The following STK31 variants were observed in gnomAD, a reference collection of about 807,000 sequenced individuals.
STK31 encodes the protein serine/threonine-protein kinase 31.
In STK31, 89 loss-of-function variants were observed where a neutral mutation model predicts 129.7. The observed-to-expected ratio is 0.69, with a 90% CI of 0.58 to 0.82. STK31 has a LOEUF of 0.82. Among genes scored for constraint, STK31 ranks in the 40% least tolerant of loss-of-function variants. The pLI is 0.00. For synonymous variants in STK31, 448 were observed against 395.3 expected (o/e 1.13, Z -1.58); for missense variants, 1,187 against 1,176.4 (o/e 1.01, Z -0.13).
chr7:23,817,000 A>C lies in STK31; in HGVS notation c.2829+1788A>C, dbSNP rs113841006. ...CAGAAGTTCAGGACCAGCCTGCCCA[A>C]CATGGTGAAACCCTGTCTGTACTAA... is the stretch of plus-strand genomic sequence containing the variant. On this transcript the variant is annotated intron_variant, in intron 23 of 23. Coordinates refer to ENST00000355870, the MANE Select transcript of STK31 (RefSeq NM_031414.5). Among the ~76,000 whole-genome samples, 316 of 152,248 alleles carry C rather than the reference A, an allele frequency of 2.1e-3. 3 individuals carry two copies. The highest frequency in any genetic ancestry group is 7.2e-3 in the African/African-American group (301 of 41,538).
intron 22 of STK31, chr7:23,811,697 T>C (rs1168112569): frequency 1.3e-5 from 2 of 154,448 alleles, no homozygotes; most frequent in African/African-American, 4.8e-5. Flanking sequence ...GCAAGTATGG[T>C]GCAGTTGGAA....
chr7:23,785,215 G>A (rs1221925897), intron 17 of STK31, among the ~76,000 whole-genome samples: 1 of 152,116 alleles, frequency 6.6e-6, no homozygotes, highest in Admixed American at 6.5e-5. Flanking sequence ...TAGGATGCAT[G>A]TCTGGTTGAT....
chr7:23,812,563 G>C (rs1272698744), intron 22 of STK31, among the ~76,000 whole-genome samples: 1 of 151,374 alleles, frequency 6.6e-6, no homozygotes, highest in African/African-American at 2.4e-5. Flanking sequence ...GTGCAGTTTT[G>C]TTACACAGGT....
chr7:23,749,540 A>G lies in STK31; in HGVS notation c.1018-3177A>G, dbSNP rs1788568282. ...GCTTTTTTTTTTTTTTTGGGGGTAG[A>G]GACCATTTTGTCTTGTTGCCCAGGC... On this transcript the variant is annotated intron_variant, in intron 8 of 23. Coordinates refer to ENST00000355870, the MANE Select transcript of STK31 (RefSeq NM_031414.5). Among the ~76,000 whole-genome samples the G allele has an allele frequency of 2.7e-5, 4 of 146,558 alleles. No individual in the cohort carries two copies. The South Asian group carries it at 8.7e-4, about 32-fold the overall frequency.
intron 23 of STK31, among the ~76,000 whole-genome samples, chr7:23,822,769 C>A (rs1035004309): frequency 1.1e-4 from 17 of 152,108 alleles, no homozygotes; most frequent in Non-Finnish European, 1.8e-4. Flanking sequence ...ACAACAGTCC[C>A]CGGTATGTGA....
intron 11 of STK31, 125 bp downstream of exon 11, chr7:23,763,048 A>T (rs1789567454): frequency 1.2e-6 from 1 of 805,562 alleles, no homozygotes; most frequent in Non-Finnish European, 1.8e-6. Flanking sequence ...TGTTTCCTGA[A>T]TTCTGATTTC....
intron 9 of STK31, 81 bp downstream of exon 9, chr7:23,752,913 C>A: frequency 1.1e-6 from 1 of 894,614 alleles, no homozygotes; most frequent in Non-Finnish European, 1.7e-6. Context: ...TGTGTGCTTG[C>A]CATTTTTGCT....
intron 8 of STK31, among the ~76,000 whole-genome samples, chr7:23,745,528 C>A (rs1788296908): frequency 6.6e-6 from 1 of 152,186 alleles, no homozygotes; most frequent in African/African-American, 2.4e-5. Context: ...GCAGCAGCTG[C>A]AGGTGGGAAA....
chr7:23,779,924 C>T (rs746922199), intron 15 of STK31, among the ~76,000 whole-genome samples: 15 of 152,174 alleles, frequency 9.9e-5, no homozygotes, highest in Non-Finnish European at 1.6e-4. Flanking sequence ...TCTGCCCAAA[C>T]GTCTGCCCAG....
intron 8 of STK31, 39 bp from the exon 9 acceptor site, chr7:23,752,678 A>G: frequency 7.1e-7 from 1 of 1,414,028 alleles, no homozygotes; most frequent in East Asian, 2.3e-5. Context: ...ACAGTTTCCT[A>G]TTTGGGTCTC....
intron 22 of STK31, among the ~76,000 whole-genome samples, chr7:23,808,169 A>ATATT (rs10643943): frequency 0.15 from 21,784 of 145,980 alleles, 1,770 homozygotes; most frequent in Admixed American, 0.23. Context: ...ATATATATAT[A>ATATT]TTTTTTGTAG....
intron 11 of STK31, among the ~76,000 whole-genome samples, chr7:23,766,429 A>G (rs899460065): frequency 5.3e-5 from 8 of 152,066 alleles, no homozygotes; most frequent in Admixed American, 2.6e-4. Context: ...TGCCCGGCTA[A>G]TTTTAGTAGA....
intron 22 of STK31, among the ~76,000 whole-genome samples, chr7:23,802,011 T>A (rs895474050): frequency 6.6e-6 from 1 of 152,216 alleles, no homozygotes; most frequent in Admixed American, 6.5e-5. Flanking sequence ...TTTCCTTTTT[T>A]GTATATATTT....
intron 22 of STK31, among the ~76,000 whole-genome samples, chr7:23,799,040 G>A (rs1792198282): frequency 6.6e-6 from 1 of 152,174 alleles, no homozygotes; most frequent in African/African-American, 2.4e-5. Context: ...AGCAAGGGAT[G>A]TGAAGGACCT....
chr7:23,736,817 C>A, intron 7 of STK31, 87 bp from the exon 8 acceptor site: 1 of 1,064,694 alleles, frequency 9.4e-7, no homozygotes, highest in Non-Finnish European at 1.3e-6. Context: ...TATATTGTGG[C>A]ATAAAAGGAC....
intron 11 of STK31, among the ~76,000 whole-genome samples, chr7:23,763,738 T>G (rs760590351): frequency 1.8e-4 from 27 of 152,142 alleles, no homozygotes; most frequent in Admixed American, 9.2e-4. Flanking sequence ...TTCTGTGTTT[T>G]CAAATGTTTT....
intron 8 of STK31, among the ~76,000 whole-genome samples, chr7:23,738,108 C>G (rs549936060): frequency 3.3e-5 from 5 of 152,316 alleles, no homozygotes; most frequent in Middle Eastern, 3.4e-3. Flanking sequence ...TCTACCCCCC[C>G]ACTATAAATT....
chr7:23,802,545 A>G (rs1792442787), intron 22 of STK31, among the ~76,000 whole-genome samples: 1 of 151,962 alleles, frequency 6.6e-6, no homozygotes, highest in Admixed American at 6.6e-5. Flanking sequence ...ACGCAGTCTC[A>G]CTCTGTCACC....
chr7:23,806,757 G>A (rs1467894457), intron 22 of STK31, among the ~76,000 whole-genome samples: 1 of 152,014 alleles, frequency 6.6e-6, no homozygotes, highest in South Asian at 2.1e-4. Context: ...AAAATCAGCC[G>A]GGCGTGTTGG....
Sources: allele counts gnomAD v4.1 joint callset (sites outside exome capture counted in the v4.1 genomes callset), GRCh38; gene constraint gnomAD v4.1.1; transcripts MANE v1.5; gene names NCBI Gene and HGNC (gene_info 2026-07-23, HGNC 2026-07-21).